RTN1: variants seen among roughly 807,000 people sequenced by gnomAD.
RTN1 encodes reticulon-1.
Under a neutral mutation model 65.5 loss-of-function variants are expected in RTN1, and 25 were observed. The observed-to-expected ratio is 0.38, with a 90% CI of 0.28 to 0.53. The LOEUF is 0.53. Among genes scored for constraint, RTN1 ranks in the 20% least tolerant of loss-of-function variants. The pLI, the probability that RTN1 is intolerant of heterozygous loss-of-function variation, is 0.79. For missense variants in RTN1, 983 were observed against 1,025.4 expected (o/e 0.96, Z 0.57); for synonymous variants, 471 against 447.6 (o/e 1.05, Z -0.66).
At chr14:59,685,013 A>G (rs1883818227) in intron 3 of RTN1, among the ~76,000 whole-genome samples, 1 of 152,180 alleles carries the variant, frequency 6.6e-6, no homozygotes, top group African/African-American at 2.4e-5. Context: ...GGATGCAAGA[A>G]CGGTTCAACA....
intron 3 of RTN1, among the ~76,000 whole-genome samples, chr14:59,611,509 G>C (rs1390438192): frequency 6.6e-6 from 1 of 152,102 alleles, no homozygotes; most frequent in Non-Finnish European, 1.5e-5. Flanking sequence ...GAGTATCCTA[G>C]GTGCTGCCAA....
chr14:59,684,251 C>T (rs1389739983), intron 3 of RTN1, among the ~76,000 whole-genome samples: 1 of 151,710 alleles, frequency 6.6e-6, no homozygotes, highest in African/African-American at 2.4e-5. Flanking sequence ...TGAGGTAGTT[C>T]CTGTTATATA....
chr14:59,615,144 T>C (rs2140171536), intron 3 of RTN1, among the ~76,000 whole-genome samples: 1 of 152,290 alleles, frequency 6.6e-6, no homozygotes, highest in South Asian at 2.1e-4. Flanking sequence ...TTAGCTTTTT[T>C]CCTTAGGTTA....
In RTN1 at chr14:59,707,626, G is replaced by T. The variant is rs572709457; in HGVS notation, c.1765+19293C>A. ...CACTCACCAAGAGTCAGCATCATTTGAAATAAGGAAGAGAGGTCTAGGAAG... is the reference window on the plus strand; with the variant it reads ...CACTCACCAAGAGTCAGCATCATTTTAAATAAGGAAGAGAGGTCTAGGAAG... On this transcript the variant is annotated intron_variant, in intron 3 of 8. Transcript: ENST00000267484. 2.6e-5 allele frequency among the ~76,000 whole-genome samples: 4 copies of T among 151,966 alleles called. No homozygotes were observed. The South Asian group carries it at 8.3e-4, about 32-fold the overall frequency.
Position 59,799,413 on chromosome 14 carries a change from G to T in RTN1, c.242-52932C>A, listed in dbSNP as rs1295726243. On this transcript the variant is annotated intron_variant, in intron 1 of 8. Coordinates refer to ENST00000267484, the MANE Select transcript of RTN1 (RefSeq NM_021136.3). ...TCTACAAAATCATCAATTTTCTCAG[G>T]GCCATCAGAGAGTTGAGGTAATAAG... Among the ~76,000 whole-genome samples the T allele has an allele frequency of 2.0e-5, 3 of 152,106 alleles. No individual in the cohort carries two copies. In the East Asian group the frequency reaches 5.8e-4, roughly 29 times the overall value.
chr14:59,710,411 T>C (rs1255956125), intron 3 of RTN1, among the ~76,000 whole-genome samples: 1 of 152,220 alleles, frequency 6.6e-6, no homozygotes, highest in Non-Finnish European at 1.5e-5. Flanking sequence ...TGACATAAAT[T>C]CAGTCCCTTT....
chr14:59,733,291 C>A (rs1240370732), intron 2 of RTN1, among the ~76,000 whole-genome samples: 1 of 152,178 alleles, frequency 6.6e-6, no homozygotes, highest in Admixed American at 6.5e-5. Context: ...CAGTGTTTCA[C>A]CATGTTGGCC....
Position 59,596,705 on chromosome 14 carries a change from G to C in RTN1, c.*40C>G. 5 of 1,490,560 alleles carry C rather than the reference G, an allele frequency of 3.4e-6. No individual in the cohort carries two copies. Among genetic ancestry groups the C allele is most frequent in the African/African-American group, 1.4e-5 (1 of 72,582 alleles). The allele number at this position is 1,490,560 out of a possible 1,614,324, so 92.3% of individuals were successfully genotyped here. Reference sequence around the variant, plus strand: ...TAAGAAGAGAGCTGTTACCACTCCAGACATTCCTGTTTGTGTCCAGTCCCC... The same window carrying C: ...TAAGAAGAGAGCTGTTACCACTCCACACATTCCTGTTTGTGTCCAGTCCCC... On this transcript the variant is annotated 3_prime_UTR_variant, in exon 9 of 9. Transcript: ENST00000267484.
chr14:59,635,985 T>TA (rs529022639), intron 3 of RTN1, among the ~76,000 whole-genome samples: 4 of 152,226 alleles, frequency 2.6e-5, no homozygotes, highest in Non-Finnish European at 4.4e-5. Context: ...ATTGAGGACT[T>TA]ACATTATTGG....
intron 3 of RTN1, among the ~76,000 whole-genome samples, chr14:59,609,029 A>T (rs1881857161): frequency 6.6e-6 from 1 of 152,188 alleles, no homozygotes; most frequent in Non-Finnish European, 1.5e-5. Flanking sequence ...TCATGCCTGT[A>T]ATCTCAGCAC....
At chr14:59,772,763 C>T (rs1035668538) in intron 1 of RTN1, among the ~76,000 whole-genome samples, 9 of 152,066 alleles carry the variant, frequency 5.9e-5, no homozygotes, top group Non-Finnish European at 1.0e-4. Context: ...CAAACAAACA[C>T]TTTAGGCAAC....
chr14:59,606,125 T>TATATATATAAAA (rs1345665820), intron 4 of RTN1: 2 of 111,466 alleles, frequency 1.8e-5, no homozygotes, highest in African/African-American at 7.7e-5. Context: ...TATATATATA[T>TATATATATAAAA]ATCATACCAG....
At chr14:59,738,266 C>G (rs956781394) in intron 2 of RTN1, among the ~76,000 whole-genome samples, 1 of 152,012 alleles carries the variant, frequency 6.6e-6, no homozygotes, top group Non-Finnish European at 1.5e-5. Context: ...TGACAAAGGT[C>G]TAATATCCAG....
chr14:59,610,363 AAAC>A, intron 3 of RTN1: 3 of 555,214 alleles, frequency 5.4e-6, no homozygotes, highest in Non-Finnish European at 6.3e-6. Context: ...TGTTATCTTA[AAAC>A]AACAGGCTGT....
At chr14:59,763,193 G>C (rs1358779816) in intron 1 of RTN1, among the ~76,000 whole-genome samples, 1 of 152,154 alleles carries the variant, frequency 6.6e-6, no homozygotes, top group Non-Finnish European at 1.5e-5. Context: ...TATACTGAGT[G>C]CACAGAAGAT....
At chr14:59,653,933 C>T (rs943966310) in intron 3 of RTN1, among the ~76,000 whole-genome samples, 2 of 152,086 alleles carry the variant, frequency 1.3e-5, no homozygotes, top group Admixed American at 1.3e-4. Flanking sequence ...GAATCTCGCT[C>T]TGTCACCCAG....
chr14:59,656,250 G>T (rs1883120609), intron 3 of RTN1, among the ~76,000 whole-genome samples: 1 of 151,306 alleles, frequency 6.6e-6, no homozygotes, highest in South Asian at 2.1e-4. Context: ...TGGTTACAGG[G>T]TTTCTTTGGG....
chr14:59,817,658 A>G (rs1209493350), intron 1 of RTN1, among the ~76,000 whole-genome samples: 3 of 151,916 alleles, frequency 2.0e-5, no homozygotes, highest in African/African-American at 7.3e-5. Context: ...AAGATTTTGA[A>G]GAGCAAGTCT....
chr14:59,860,626 G>A (rs1409260603), intron 1 of RTN1, among the ~76,000 whole-genome samples: 1 of 152,172 alleles, frequency 6.6e-6, no homozygotes, highest in Admixed American at 6.5e-5. Flanking sequence ...AAAGCCACAG[G>A]CACTCAATGC....
Sources: allele counts gnomAD v4.1 joint callset (sites outside exome capture counted in the v4.1 genomes callset), GRCh38; gene constraint gnomAD v4.1.1; transcripts MANE v1.5; gene names NCBI Gene and HGNC (gene_info 2026-07-23, HGNC 2026-07-21).